NEK11: variants seen among roughly 807,000 people sequenced by gnomAD.
The protein encoded by NEK11 is serine/threonine-protein kinase Nek11.
Under a neutral mutation model 80.7 loss-of-function variants are expected in NEK11, and 72 were observed. The ratio of observed to expected loss-of-function variants is 0.89; its 90% CI spans 0.74 to 1.08. NEK11 has a LOEUF of 1.08. Among genes scored for constraint, NEK11 ranks in the 50% least tolerant of loss-of-function variants. The pLI is 0.00. For synonymous variants in NEK11, 251 were observed against 260.7 expected, an observed-to-expected ratio of 0.96 and a Z score of 0.36; for missense variants, 764 against 763.6, an observed-to-expected ratio of 1.00 and a Z score of -0.01.
At chr3:131,181,745 C>CA (rs58463955) in intron 14 of NEK11, among the ~76,000 whole-genome samples, 56,292 of 83,508 alleles carry the variant, frequency 0.67, 18,588 homozygotes, top group East Asian at 0.86. Context: ...GACTCCGCCT[C>CA]AAAAAAAAAA....
intron 14 of NEK11, among the ~76,000 whole-genome samples, chr3:131,210,683 A>G (rs1219331528): frequency 2.0e-5 from 3 of 152,154 alleles, no homozygotes; most frequent in Admixed American, 1.3e-4. Flanking sequence ...TATATTTAGG[A>G]TAGTTAGCTC....
At chr3:131,309,632 C>G (rs1169968065) in intron 17 of NEK11, among the ~76,000 whole-genome samples, 3 of 150,522 alleles carry the variant, frequency 2.0e-5, no homozygotes, top group African/African-American at 7.3e-5. Context: ...ACAATATTAT[C>G]TGCCGAAGTG....
chr3:131,082,512 G>C lies in NEK11; in HGVS notation c.336+1924G>C, dbSNP rs531094387. Among the ~76,000 whole-genome samples, 9 of 152,304 alleles carry C rather than the reference G, an allele frequency of 5.9e-5. No homozygotes were observed. In the South Asian group the frequency reaches 1.9e-3, roughly 32 times the overall value. ...GGCTATAGTTGTGCTGTCTAATATAGTAGTCGCTAGTCATATACATGGCTC... is the reference window on the plus strand; with the variant it reads ...GGCTATAGTTGTGCTGTCTAATATACTAGTCGCTAGTCATATACATGGCTC... On this transcript the variant is annotated intron_variant, in intron 4 of 17. Coordinates refer to ENST00000383366, the MANE Select transcript of NEK11 (RefSeq NM_024800.5).
chr3:131,139,847 A>G (rs2086479246), intron 7 of NEK11, among the ~76,000 whole-genome samples: 1 of 152,192 alleles, frequency 6.6e-6, no homozygotes, highest in African/African-American at 2.4e-5. Flanking sequence ...TTGGGATTGA[A>G]TCTTTCAAAT....
chr3:131,286,572 A>G (rs1026930044), intron 17 of NEK11, among the ~76,000 whole-genome samples: 9 of 152,212 alleles, frequency 5.9e-5, no homozygotes, highest in African/African-American at 2.2e-4. Context: ...TCTATATTAT[A>G]TTATTCATTG....
chr3:131,170,557 A>G (rs991896147), intron 13 of NEK11, among the ~76,000 whole-genome samples: 3 of 152,188 alleles, frequency 2.0e-5, no homozygotes, highest in African/African-American at 7.2e-5. Context: ...AACTGAGCCC[A>G]TGAAGGTTAA....
intron 17 of NEK11, 27 bp from the exon 18 acceptor site, chr3:131,349,530 T>C (rs1401171360): frequency 1.3e-6 from 2 of 1,581,626 alleles, no homozygotes; most frequent in South Asian, 1.1e-5. Flanking sequence ...TGTAACTCTT[T>C]GTAATCTTTT....
At chr3:131,310,592 C>T (rs2096772032) in intron 17 of NEK11, among the ~76,000 whole-genome samples, 1 of 152,154 alleles carries the variant, frequency 6.6e-6, no homozygotes, top group Non-Finnish European at 1.5e-5. Flanking sequence ...TTATACATGA[C>T]AGATATACTT....
intron 3 of NEK11, among the ~76,000 whole-genome samples, chr3:131,044,559 C>T (rs1053812563): frequency 3.3e-5 from 5 of 150,138 alleles, no homozygotes; most frequent in Non-Finnish European, 5.9e-5. Context: ...ATCAATGCAA[C>T]GAGAAGAGCC....
chr3:131,040,365 G>A (rs1261602884), intron 3 of NEK11, among the ~76,000 whole-genome samples: 8 of 151,998 alleles, frequency 5.3e-5, no homozygotes, highest in African/African-American at 1.7e-4. Context: ...AAATGTGTGG[G>A]GGTGATGGAT....
intron 4 of NEK11, among the ~76,000 whole-genome samples, chr3:131,091,249 TTTC>T (rs1383374612): frequency 6.6e-6 from 1 of 152,214 alleles, no homozygotes; most frequent in African/African-American, 2.4e-5. Context: ...AACAGATATC[TTTC>T]TTCTTTTTAA....
At position 131,203,767 on chromosome 3, in the gene NEK11, GTATATATATATATATATATATA is replaced by G. The variant is rs150951735; in HGVS notation, c.1400-24722_1400-24701del. ...TATATATGTGTGTGTGTGTGTGTGT[GTATATATATATATATATATATA>G]TATATATATATATATATATATATAT... On this transcript the variant is annotated intron_variant, in intron 14 of 17. Coordinates refer to ENST00000383366, the MANE Select transcript of NEK11 (RefSeq NM_024800.5). Among the ~76,000 whole-genome samples, 62 of 54,204 alleles carry G rather than the reference GTATATATATATATATATATATA, an allele frequency of 1.1e-3. 3 individuals are homozygous for G. The highest frequency in any genetic ancestry group is 0.021 in the Middle Eastern group (1 of 48). 35.6% of individuals were successfully genotyped at this position (54,204 alleles called of 152,430 possible).
intron 5 of NEK11, among the ~76,000 whole-genome samples, chr3:131,129,051 T>G (rs1198960052): frequency 1.1e-5 from 1 of 93,722 alleles, no homozygotes; most frequent in Non-Finnish European, 2.1e-5. Flanking sequence ...TGGATAACAG[T>G]CTTTTTTTTT....
chr3:131,116,424 C>T (rs1234993040), intron 5 of NEK11, among the ~76,000 whole-genome samples: 2 of 152,074 alleles, frequency 1.3e-5, no homozygotes, highest in East Asian at 3.9e-4. Context: ...TGAATAGTGC[C>T]ACAATAAACA....
intron 3 of NEK11, among the ~76,000 whole-genome samples, chr3:131,061,036 A>G (rs755298049): frequency 3.3e-5 from 5 of 152,230 alleles, no homozygotes; most frequent in Non-Finnish European, 7.3e-5. Flanking sequence ...AATGAAAGTC[A>G]TAAATCACTT....
chr3:131,335,001 C>T lies in NEK11; in HGVS notation c.1719-14556C>T, dbSNP rs187798098. Among the ~76,000 whole-genome samples, 628 of 152,124 alleles carry T rather than the reference C, an allele frequency of 4.1e-3. 4 individuals carry two copies. The highest frequency in any genetic ancestry group is 5.8e-3 in the Non-Finnish European group (393 of 67,994). On this transcript the variant is annotated intron_variant, in intron 17 of 17. Coordinates refer to ENST00000383366, the MANE Select transcript of NEK11 (RefSeq NM_024800.5). ...AATAACTTACCAACCAAAAAGAGTC[C>T]GGGACCAGATGGATTCACAGCCGAA... is the stretch of plus-strand genomic sequence containing the variant.
At chr3:131,144,816 G>A (rs1442266493) in intron 7 of NEK11, among the ~76,000 whole-genome samples, 1 of 152,096 alleles carries the variant, frequency 6.6e-6, no homozygotes, top group Non-Finnish European at 1.5e-5. Context: ...TCTTCTCTAC[G>A]TGCTAGAGTG....
At chr3:131,212,492 G>A (rs528776471) in intron 14 of NEK11, among the ~76,000 whole-genome samples, 9 of 152,176 alleles carry the variant, frequency 5.9e-5, no homozygotes, top group African/African-American at 9.6e-5. Context: ...CTCAAACTCC[G>A]TGCTTGGAGA....
chr3:131,213,352 A>G lies in NEK11; in HGVS notation c.1400-15176A>G, dbSNP rs573198806. Among the ~76,000 whole-genome samples the G allele has an allele frequency of 1.6e-4, 24 of 152,270 alleles. No individual in the cohort carries two copies. The East Asian group carries it at 4.2e-3, about 27-fold the overall frequency. On this transcript the variant is annotated intron_variant, in intron 14 of 17. Transcript: ENST00000383366. ...AGAAGGGTGCTGCCAATGGGAGACA[A>G]ATGTTTTCCAGGAGACCAGAGGTGG... is the stretch of plus-strand genomic sequence containing the variant.
Sources: allele counts gnomAD v4.1 joint callset (sites outside exome capture counted in the v4.1 genomes callset), GRCh38; gene constraint gnomAD v4.1.1; transcripts MANE v1.5; gene names NCBI Gene and HGNC (gene_info 2026-07-23, HGNC 2026-07-21).